The following GALNT13 variants were observed in gnomAD, a reference collection of about 807,000 sequenced individuals.
The protein encoded by GALNT13 is polypeptide N-acetylgalactosaminyltransferase 13, also known as UDP-GalNAc:polypeptide N-acetylgalactosaminyltransferase 13.
Under a neutral mutation model 64.2 loss-of-function variants are expected in GALNT13, and 28 were observed. The observed-to-expected ratio is 0.44, with a 90% confidence interval of 0.32 to 0.60. The LOEUF is 0.60. Among genes scored for constraint, GALNT13 ranks in the 20% least tolerant of loss-of-function variants. The pLI is 0.05. For synonymous variants in GALNT13, 214 were observed against 224.6 expected (o/e 0.95, Z 0.42); for missense variants, 577 against 669.8 (o/e 0.86, Z 1.53).
the GALNT13 span, among the ~76,000 whole-genome samples, chr2:153,392,893 C>T: frequency 6.6e-6 from 1 of 151,820 alleles, no homozygotes; most frequent in Non-Finnish European, 1.5e-5. Context: ...GGATTAGTGC[C>T]CTTATAAAAG....
At chr2:154,243,651 T>A (rs76941204) in intron 6 of GALNT13, among the ~76,000 whole-genome samples, 4,754 of 152,300 alleles carry the variant, frequency 0.031, 97 homozygotes, top group East Asian at 0.1. Flanking sequence ...GTACAAGCAT[T>A]TTTTAGCAAA....
the GALNT13 span, among the ~76,000 whole-genome samples, chr2:153,723,998 TC>T: frequency 6.8e-6 from 1 of 148,020 alleles, no homozygotes; most frequent in African/African-American, 2.6e-5. Flanking sequence ...CATCGCCAAG[TC>T]AATCCTAAGC....
intron 3 of GALNT13, among the ~76,000 whole-genome samples, chr2:153,993,298 T>C (rs1695287330): frequency 6.6e-6 from 1 of 151,730 alleles, no homozygotes; most frequent in South Asian, 2.1e-4. Flanking sequence ...AAAGTGATTG[T>C]AAATTTATTG....
chr2:153,803,275 TTA>T, the GALNT13 span, among the ~76,000 whole-genome samples: 18 of 152,164 alleles, frequency 1.2e-4, no homozygotes, highest in African/African-American at 4.3e-4. Context: ...CCCCCAAAAT[TTA>T]TATGTTGAAG....
chr2:153,975,622 G>GA (rs930395896), intron 3 of GALNT13, among the ~76,000 whole-genome samples: 81 of 151,696 alleles, frequency 5.3e-4, no homozygotes, highest in Non-Finnish European at 9.4e-4. Context: ...GGATGAAACT[G>GA]AAAAAAAATA....
intron 3 of GALNT13, among the ~76,000 whole-genome samples, chr2:153,975,197 C>A (rs1693999261): frequency 6.6e-6 from 1 of 151,972 alleles, no homozygotes; most frequent in Non-Finnish European, 1.5e-5. Flanking sequence ...ATCTCTTGGC[C>A]TTCTTATCAT....
At chr2:154,019,639 CACACACACACACACAA>C (rs1431898637) in intron 3 of GALNT13, among the ~76,000 whole-genome samples, 146 of 149,648 alleles carry the variant, frequency 9.8e-4, no homozygotes, top group Non-Finnish European at 1.6e-3. Context: ...CACACACACA[CACACACACACACACAA>C]AAGCAAGAAA....
chr2:153,138,990 C>G, the GALNT13 span, among the ~76,000 whole-genome samples: 3 of 152,000 alleles, frequency 2.0e-5, no homozygotes, highest in African/African-American at 7.2e-5. Context: ...TCTGCCTGTC[C>G]CCTTTCACTG....
chr2:153,429,712 C>T, the GALNT13 span, among the ~76,000 whole-genome samples: 2 of 152,006 alleles, frequency 1.3e-5, no homozygotes, highest in Non-Finnish European at 2.9e-5. Flanking sequence ...TTTCGAAGTA[C>T]AAAATTTATT....
chr2:154,352,190 G>A (rs932938201), intron 9 of GALNT13, among the ~76,000 whole-genome samples: 3 of 152,118 alleles, frequency 2.0e-5, no homozygotes, highest in Non-Finnish European at 4.4e-5. Flanking sequence ...CAGTATTGCT[G>A]CACCTGCCTC....
At chr2:154,020,897 C>T (rs998748836) in intron 3 of GALNT13, among the ~76,000 whole-genome samples, 2 of 152,000 alleles carry the variant, frequency 1.3e-5, no homozygotes, top group African/African-American at 4.8e-5. Flanking sequence ...AGGAAGAGAT[C>T]CAGTTTCAGC....
chr2:153,407,462 A>T, the GALNT13 span, among the ~76,000 whole-genome samples: 1 of 152,322 alleles, frequency 6.6e-6, no homozygotes, highest in East Asian at 1.9e-4. Context: ...AATTTGGGGC[A>T]TTAGACATCT....
At chr2:153,350,890 C>T in the GALNT13 span, among the ~76,000 whole-genome samples, 5 of 151,858 alleles carry the variant, frequency 3.3e-5, no homozygotes, top group East Asian at 1.9e-4. Context: ...TGAAGCAGAA[C>T]GAGAAAAAAC....
rs113408260 is a variant in GALNT13 at position 154,368,479 on chromosome 2, C to T, written c.1157-27512C>T. ...TGGAGAATATCTAGTCAAATGTCTC[C>T]GTAATATTACCTTCATTGTTCGTAG... On this transcript the variant is annotated intron_variant, in intron 9 of 12. Transcript: ENST00000392825. Among the ~76,000 whole-genome samples, 1,166 of 152,154 alleles carry T rather than the reference C, an allele frequency of 7.7e-3. 24 individuals carry two copies. The highest frequency in any genetic ancestry group is 0.027 in the African/African-American group (1,111 of 41,496).
chr2:153,457,660 G>A, the GALNT13 span, among the ~76,000 whole-genome samples: 4 of 152,124 alleles, frequency 2.6e-5, no homozygotes, highest in Admixed American at 1.3e-4. Context: ...AAATCACTGA[G>A]TAAATAGAAT....
At chr2:154,169,867 C>T (rs1685256766) in intron 4 of GALNT13, among the ~76,000 whole-genome samples, 1 of 151,374 alleles carries the variant, frequency 6.6e-6, no homozygotes, top group Non-Finnish European at 1.5e-5. Context: ...TGGAGGCTGA[C>T]TCTCTCTCTC....
chr2:153,992,746 A>T (rs959204564), intron 3 of GALNT13, among the ~76,000 whole-genome samples: 6 of 151,934 alleles, frequency 3.9e-5, no homozygotes, highest in Non-Finnish European at 7.4e-5. Context: ...GATACTTTTT[A>T]AAAAAAAATT....
the GALNT13 span, among the ~76,000 whole-genome samples, chr2:153,580,652 T>C: frequency 3.9e-5 from 6 of 152,304 alleles, 1 homozygote; most frequent in African/African-American, 1.2e-4. Context: ...CTTTATCTTG[T>C]GAGGGAAACA....
chr2:153,661,368 C>T, the GALNT13 span, among the ~76,000 whole-genome samples: 269 of 152,212 alleles, frequency 1.8e-3, no homozygotes, highest in African/African-American at 6.2e-3. Flanking sequence ...TAACAAATAA[C>T]TTAAAAACAA....
Sources: gnomAD v4.1 joint callset for allele counts (sites outside exome capture counted in the v4.1 genomes callset) on GRCh38, gnomAD v4.1.1 for gene constraint, MANE v1.5 for transcripts, NCBI Gene and HGNC (gene_info 2026-07-23, HGNC 2026-07-21) for gene names.